The following SNTB1 variants were observed in gnomAD, a reference collection of about 807,000 sequenced individuals.
SNTB1 encodes syntrophin beta 1.
In SNTB1, 36 loss-of-function variants were observed where a neutral mutation model predicts 48.9. That is an observed-to-expected ratio of 0.74 (90% CI 0.56 to 0.97). SNTB1 has a LOEUF of 0.97. Among genes scored for constraint, SNTB1 ranks in the 50% least tolerant of loss-of-function variants. The probability of loss-of-function intolerance (pLI) is 0.00; values close to 1 mark genes in which losing one functional copy is unlikely to be tolerated. For missense variants in SNTB1, 786 were observed against 703.4 expected (o/e 1.12, Z -1.33); for synonymous variants, 299 against 294.6 (o/e 1.01, Z -0.15).
At chr8:120,725,146 G>C (rs1818731763) in intron 1 of SNTB1, among the ~76,000 whole-genome samples, 1 of 152,194 alleles carries the variant, frequency 6.6e-6, no homozygotes, top group Non-Finnish European at 1.5e-5. Context: ...TGGGAAGAAG[G>C]AGGTAAGTGG....
intron 2 of SNTB1, among the ~76,000 whole-genome samples, chr8:120,646,147 A>G (rs1345338289): frequency 2.9e-5 from 4 of 136,874 alleles, no homozygotes; most frequent in African/African-American, 5.4e-5. Flanking sequence ...CTAATTGAAT[A>G]CCCTTTATTT....
intron 4 of SNTB1, among the ~76,000 whole-genome samples, chr8:120,552,664 A>C (rs1180582850): frequency 6.6e-6 from 1 of 152,182 alleles, no homozygotes; most frequent in Non-Finnish European, 1.5e-5. Context: ...TTAGAGCAGC[A>C]GTGCCAATCT....
At chr8:120,578,038 T>C (rs1459408734) in intron 3 of SNTB1, among the ~76,000 whole-genome samples, 1 of 152,026 alleles carries the variant, frequency 6.6e-6, no homozygotes, top group Non-Finnish European at 1.5e-5. Flanking sequence ...AGGGATTTGT[T>C]TGTTTTGTTT....
intron 1 of SNTB1, among the ~76,000 whole-genome samples, chr8:120,721,992 G>T (rs1424964456): frequency 1.3e-5 from 2 of 150,016 alleles, no homozygotes; most frequent in African/African-American, 2.5e-5. Context: ...TGCAGTGTTT[G>T]GTTTCCTGTC....
intron 2 of SNTB1, among the ~76,000 whole-genome samples, chr8:120,652,062 C>T (rs564182978): frequency 5.1e-4 from 78 of 152,166 alleles, no homozygotes; most frequent in African/African-American, 1.6e-3. Flanking sequence ...TTGTTCCAGG[C>T]GCATTTATCA....
chr8:120,723,951 C>A (rs1017054054), intron 1 of SNTB1, among the ~76,000 whole-genome samples: 1 of 152,148 alleles, frequency 6.6e-6, no homozygotes, highest in Non-Finnish European at 1.5e-5. Context: ...TCCCAATTAG[C>A]AATGCTATTG....
Position 120,538,774 on chromosome 8 carries a change from G to A in SNTB1, c.*103C>T. ...CTCTTGAGAGCTAAAGCTGACTGTA[G>A]CACGCTACATCTGGTGCGCTGCTCA... On this transcript the variant is annotated 3_prime_UTR_variant, in exon 7 of 7. Coordinates refer to ENST00000517992, the MANE Select transcript of SNTB1 (RefSeq NM_021021.4). The A allele has an allele frequency of 1.0e-6, 1 of 956,872 alleles. No individual in the cohort carries two copies. Among genetic ancestry groups the A allele is most frequent in the Admixed American group, 1.7e-5 (1 of 58,154 alleles). The allele number at this position is 956,872 out of a possible 1,614,324, so 59.3% of individuals were successfully genotyped here.
At chr8:120,614,583 G>T (rs1816680434) in intron 3 of SNTB1, among the ~76,000 whole-genome samples, 1 of 152,200 alleles carries the variant, frequency 6.6e-6, no homozygotes, top group Non-Finnish European at 1.5e-5. Context: ...CAATGTGCCT[G>T]TGGTCAATGC....
intron 3 of SNTB1, among the ~76,000 whole-genome samples, chr8:120,576,586 A>G (rs1815954492): frequency 6.6e-6 from 1 of 152,122 alleles, no homozygotes; most frequent in Non-Finnish European, 1.5e-5. Context: ...TCTGGTCAAG[A>G]TATTCTCTGT....
chr8:120,621,988 C>T (rs1587039136), intron 3 of SNTB1, among the ~76,000 whole-genome samples: 1 of 152,338 alleles, frequency 6.6e-6, no homozygotes, highest in East Asian at 1.9e-4. Context: ...GCTAACATCA[C>T]TGGTCCACCA....
At chr8:120,600,589 C>T (rs1474758941) in intron 3 of SNTB1, among the ~76,000 whole-genome samples, 3 of 152,210 alleles carry the variant, frequency 2.0e-5, no homozygotes, top group Non-Finnish European at 4.4e-5. Flanking sequence ...GTAGCTATTA[C>T]TCAGCAATAG....
chr8:120,748,732 T>G (rs1033900842), intron 1 of SNTB1, among the ~76,000 whole-genome samples: 1 of 152,218 alleles, frequency 6.6e-6, no homozygotes, highest in African/African-American at 2.4e-5. Context: ...AGAATGGCAC[T>G]AAAGACATAT....
chr8:120,590,742 G>A (rs1293173198), intron 3 of SNTB1, among the ~76,000 whole-genome samples: 2 of 146,290 alleles, frequency 1.4e-5, no homozygotes, highest in East Asian at 2.1e-4. Flanking sequence ...GTGCAGTGGC[G>A]CGATCTCGGC....
At chr8:120,558,231 A>T (rs4409433) in intron 4 of SNTB1, among the ~76,000 whole-genome samples, 1 of 152,188 alleles carries the variant, frequency 6.6e-6, no homozygotes, top group African/African-American at 2.4e-5. Flanking sequence ...CTATGTGTGT[A>T]TCCTTAAAAA....
At chr8:120,661,416 T>C (rs1817585633) in intron 2 of SNTB1, among the ~76,000 whole-genome samples, 2 of 152,204 alleles carry the variant, frequency 1.3e-5, no homozygotes, top group African/African-American at 4.8e-5. Context: ...GAGAAATTAT[T>C]TGCCCAAGGT....
At chr8:120,783,457 GA>G (rs1819864194) in intron 1 of SNTB1, among the ~76,000 whole-genome samples, 1 of 151,900 alleles carries the variant, frequency 6.6e-6, no homozygotes, top group East Asian at 1.9e-4. Context: ...ATCATGAGAT[GA>G]AAAAAAATAA....
rs1303429646 is a variant in SNTB1, at chr8:120,538,121, A to C, written c.*756T>G. On this transcript the variant is annotated 3_prime_UTR_variant, in exon 7 of 7. Transcript: ENST00000517992. ...AGACAGCAGACCTTGGTGTGAGTAT[A>C]GTCCCAGAATTAATCATCCTTTGTG... 2.0e-5 allele frequency: 3 copies of C among 153,344 alleles called. No homozygotes were observed. The highest frequency in any genetic ancestry group is 1.9e-4 in the Admixed American group (3 of 15,498). 9.5% of individuals were successfully genotyped at this position (153,344 alleles called of 1,614,324 possible). A position where few individuals can be genotyped will look rare whatever the true frequency, so the allele number is the denominator to read the frequency against.
intron 5 of SNTB1, among the ~76,000 whole-genome samples, chr8:120,543,851 G>A (rs137959820): frequency 7.1e-4 from 108 of 152,122 alleles, no homozygotes; most frequent in Non-Finnish European, 9.9e-4. Flanking sequence ...CTCCTTCTGC[G>A]CACAGTCCCT....
chr8:120,555,981 G>A (rs917029510), intron 4 of SNTB1, among the ~76,000 whole-genome samples: 3 of 152,156 alleles, frequency 2.0e-5, no homozygotes, highest in Non-Finnish European at 4.4e-5. Context: ...CTCCAGAACT[G>A]TGAAAACTAA....
Sources: gnomAD v4.1 joint callset for allele counts (sites outside exome capture counted in the v4.1 genomes callset) on GRCh38, gnomAD v4.1.1 for gene constraint, MANE v1.5 for transcripts, NCBI Gene and HGNC (gene_info 2026-07-23, HGNC 2026-07-21) for gene names.